The following PCDHA3 variants were observed in gnomAD, a reference collection of about 807,000 sequenced individuals.
PCDHA3 encodes protocadherin alpha 3.
In PCDHA3, 41 loss-of-function variants were observed where a neutral mutation model predicts 62.2. The observed-to-expected ratio is 0.66, with a 90% CI of 0.51 to 0.86. PCDHA3 has a LOEUF of 0.86. Among genes scored for constraint, PCDHA3 ranks in the 40% least tolerant of loss-of-function variants. PCDHA3 has a pLI of 0.00. For missense variants in PCDHA3, 1,304 were observed against 1,241.2 expected, an observed-to-expected ratio of 1.05 and a Z score of -0.76; for synonymous variants, 640 against 555.4, an observed-to-expected ratio of 1.15 and a Z score of -2.14.
rs568082033 is a variant in PCDHA3, at chr5:140,926,946, AG to A, written c.2395-52002del. On this transcript the variant is annotated intron_variant, in intron 1 of 3. Transcript: ENST00000522353. ...GTTTGTGGGTTTCCTGCGGCGCTGC[AG>A]CGGGACAGCTCGAGTACTCAGTGCC... 60 of 1,590,228 alleles carry A rather than the reference AG, an allele frequency of 3.8e-5. No individual in the cohort carries two copies. The African/African-American group carries it at 7.7e-4, about 20-fold the overall frequency.
chr5:140,988,025 G>A (rs1305100946), intron 3 of PCDHA3, among the ~76,000 whole-genome samples: 1 of 152,136 alleles, frequency 6.6e-6, no homozygotes, highest in African/African-American at 2.4e-5. Context: ...TGATTCTTAA[G>A]TTTTTTAGAA....
chr5:140,863,542 C>T, intron 1 of PCDHA3: 3 of 384,090 alleles, frequency 7.8e-6, no homozygotes, highest in South Asian at 6.2e-5. Context: ...TGGAGATGGA[C>T]TTCAATAGGA....
intron 1 of PCDHA3, chr5:140,857,783 C>G: frequency 1.3e-6 from 2 of 1,597,710 alleles, no homozygotes; most frequent in Middle Eastern, 1.7e-4. Flanking sequence ...AGTCAGTGAG[C>G]TGGTGCTGCG....
At chr5:140,809,616 C>G (rs1193307431) in intron 1 of PCDHA3, 1 of 1,514,914 alleles carries the variant, frequency 6.6e-7, no homozygotes, top group Admixed American at 2.2e-5. Context: ...TATTGTTTTT[C>G]TCTATCAACT....
intron 1 of PCDHA3, among the ~76,000 whole-genome samples, chr5:140,885,515 A>G (rs537252415): frequency 6.6e-6 from 1 of 152,294 alleles, no homozygotes; most frequent in South Asian, 2.1e-4. Context: ...ATGCTGTGCT[A>G]TCATTTCATA....
intron 1 of PCDHA3, chr5:140,804,987 G>A (rs1763488462): frequency 6.6e-6 from 10 of 1,518,174 alleles, no homozygotes; most frequent in Middle Eastern, 3.8e-4. Flanking sequence ...TCTCAGGTCA[G>A]TATTTTAAAA....
chr5:140,860,276 G>T (rs1399451611), intron 1 of PCDHA3: 2 of 151,942 alleles, frequency 1.3e-5, no homozygotes, highest in South Asian at 2.1e-4. Flanking sequence ...TGCTACTTGG[G>T]AGGGTGAGGT....
intron 3 of PCDHA3, among the ~76,000 whole-genome samples, chr5:141,008,201 A>T (rs2098364434): frequency 6.6e-6 from 1 of 152,212 alleles, no homozygotes; most frequent in Admixed American, 6.5e-5. Context: ...TAATATAATG[A>T]ACTTGACATG....
chr5:140,869,320 G>T, intron 1 of PCDHA3: 1 of 1,613,846 alleles, frequency 6.2e-7, no homozygotes, highest in Non-Finnish European at 8.5e-7. Context: ...AACACATGGG[G>T]ACCTTCTGGA....
chr5:140,922,337 T>C lies in PCDHA3; in HGVS notation c.2395-56612T>C, dbSNP rs150639608. On this transcript the variant is annotated intron_variant, in intron 1 of 3. Transcript: ENST00000522353. ...GAAGATCTTGGAAAGGGTTGGTATA[T>C]TGGTATTTTCTAGAGTAGTGATTCT... Among the ~76,000 whole-genome samples the C allele has an allele frequency of 3.4e-3, 512 of 152,346 alleles. 3 individuals carry two copies. The highest frequency in any genetic ancestry group is 0.012 in the African/African-American group (489 of 41,580).
At chr5:140,969,141 G>T in intron 1 of PCDHA3, 1 of 1,614,158 alleles carries the variant, frequency 6.2e-7, no homozygotes, top group Non-Finnish European at 8.5e-7. Context: ...AAGACCTACT[G>T]CTACAAGGCC....
chr5:140,809,274 T>C (rs1764413420), intron 1 of PCDHA3: 4 of 1,614,112 alleles, frequency 2.5e-6, no homozygotes, highest in Non-Finnish European at 3.4e-6. Flanking sequence ...CTGGTGGATG[T>C]CAACGTATAC....
In PCDHA3 at chr5:140,982,507, G is replaced by A. The variant is rs555523473; in HGVS notation, c.2486G>A (p.Arg829Gln). 21 of 1,614,138 alleles carry A rather than the reference G, an allele frequency of 1.3e-5. No individual in the cohort carries two copies. The highest frequency in any genetic ancestry group is 4.0e-5 in the African/African-American group (3 of 75,040). ...CACCTAGAGGAGGCTGGCATTCTAC[G>A]GGCTGGTCCAGGAGGGCCTGATCAG... is the stretch of plus-strand genomic sequence containing the variant. ...SVHLEEAGILRAGPGGPDQQW... is the reference protein window; with the variant it reads ...SVHLEEAGILQAGPGGPDQQW... The change falls in exon 3 of 4, where the codon CGG (arginine) becomes CAG (glutamine). Residue 829 changes from arginine (R) to glutamine (Q), a missense_variant. Arg to Gln is a conservative substitution (Grantham distance 43). Coordinates refer to ENST00000522353, the MANE Select transcript of PCDHA3 (RefSeq NM_018906.3).
intron 1 of PCDHA3, among the ~76,000 whole-genome samples, chr5:140,925,561 G>A (rs972926230): frequency 6.6e-6 from 1 of 151,674 alleles, no homozygotes; most frequent in African/African-American, 2.4e-5. Flanking sequence ...ACAAGTTAAT[G>A]GGTGCAGCAC....
chr5:140,871,066 G>A (rs1554165067), intron 1 of PCDHA3: 4 of 1,613,276 alleles, frequency 2.5e-6, no homozygotes, highest in South Asian at 2.2e-5. Flanking sequence ...GGATCACGGT[G>A]AGCCGGCGCT....
At chr5:140,887,976 TA>T (rs1462545504) in intron 1 of PCDHA3, among the ~76,000 whole-genome samples, 1 of 152,256 alleles carries the variant, frequency 6.6e-6, no homozygotes, top group African/African-American at 2.4e-5. Context: ...TTTTAAAATT[TA>T]TTTTACATGT....
intron 1 of PCDHA3, among the ~76,000 whole-genome samples, chr5:140,894,264 G>A (rs1231047220): frequency 1.3e-5 from 2 of 151,820 alleles, no homozygotes; most frequent in African/African-American, 4.8e-5. Flanking sequence ...ACAAGTGGTA[G>A]CTTATTTACA....
intron 1 of PCDHA3, chr5:140,876,415 G>A (rs782679956): frequency 6.2e-7 from 1 of 1,613,960 alleles, no homozygotes. Flanking sequence ...AGAGAATAAT[G>A]CCTATGAAAT....
At chr5:140,852,249 T>C (rs2042280411) in intron 1 of PCDHA3, 1 of 535,278 alleles carries the variant, frequency 1.9e-6, no homozygotes, top group Non-Finnish European at 2.5e-6. Flanking sequence ...AAACACACTT[T>C]TGGAATATGC....
Sources: gnomAD v4.1 joint callset for allele counts (sites outside exome capture counted in the v4.1 genomes callset) on GRCh38, gnomAD v4.1.1 for gene constraint, MANE v1.5 for transcripts, NCBI Gene and HGNC (gene_info 2026-07-23, HGNC 2026-07-21) for gene names.